The following KPNB1 variants were observed in gnomAD, a reference collection of about 807,000 sequenced individuals.
The protein encoded by KPNB1 is karyopherin subunit beta 1.
In KPNB1, 7 loss-of-function variants were observed where a neutral mutation model predicts 113.0. That is an observed-to-expected ratio of 0.06 (90% CI 0.04 to 0.12). KPNB1 has a LOEUF of 0.12. Among genes scored for constraint, KPNB1 ranks in the 10% least tolerant of loss-of-function variants. KPNB1 has a pLI of 1.00. For missense variants in KPNB1, 400 were observed against 1,054.8 expected (o/e 0.38, Z 8.60); for synonymous variants, 363 against 378.6 (o/e 0.96, Z 0.48).
chr17:47,652,698 C>G lies in KPNB1; in HGVS notation c.104C>G (p.Thr35Ser), dbSNP rs1915614164. ...LERAAVENLP[T>S]FLVELSRVLA... ...AAATTTATCTTCCCTTAACAGCCCA[C>G]TTTCCTTGTGGAACTGTCCAGAGTG... Residue 35 changes from threonine (T) to serine (S), a missense_variant, in exon 3 of 22, where the codon ACT becomes AGT. This residue lies in a region of KPNB1 where 285 missense variants were observed against 627.0 expected (regional missense o/e 0.45). Transcript: ENST00000290158. The G allele has an allele frequency of 2.6e-6, 4 of 1,568,576 alleles. No individual in the cohort carries two copies. The East Asian group carries it at 9.1e-5, about 36-fold the overall frequency.
At position 47,652,941 on chromosome 17, in the gene KPNB1, T is replaced by C. The variant is rs938656476; in HGVS notation, c.282+65T>C. On this transcript the variant is annotated intron_variant, in intron 3 of 21. Transcript: ENST00000290158. ...ACAAGAAATCGCTTTCTCAGATCTT[T>C]TGCTATTTGCATGGGATAGAGCTAA... 6 of 1,293,784 alleles carry C rather than the reference T, an allele frequency of 4.6e-6. No individual in the cohort carries two copies. In the Middle Eastern group the frequency reaches 5.8e-4, roughly 124 times the overall value. The allele number at this position is 1,293,784 out of a possible 1,614,324, so 80.1% of individuals were successfully genotyped here.
chr17:47,680,938 T>G (rs1361138777), intron 21 of KPNB1, among the ~76,000 whole-genome samples: 2 of 152,218 alleles, frequency 1.3e-5, no homozygotes, highest in Non-Finnish European at 2.9e-5. Flanking sequence ...AGTAATGCCA[T>G]TTCCCCCTAA....
intron 12 of KPNB1, chr17:47,671,809 G>A (rs1156255077): frequency 6.6e-6 from 1 of 152,102 alleles, no homozygotes; most frequent in Non-Finnish European, 1.5e-5. Context: ...TTACAGGCAT[G>A]AGCCACCATG....
At chr17:47,655,743 C>T (rs1915700148) in intron 3 of KPNB1, among the ~76,000 whole-genome samples, 1 of 152,162 alleles carries the variant, frequency 6.6e-6, no homozygotes, top group Non-Finnish European at 1.5e-5. Flanking sequence ...ATAACAGCAA[C>T]AATGAGCCTG....
chr17:47,674,552 C>T (rs1433371742), intron 14 of KPNB1, 86 bp from the exon 15 acceptor site: 3 of 1,316,462 alleles, frequency 2.3e-6, no homozygotes, highest in South Asian at 1.5e-5. Context: ...TATCAAGGGA[C>T]TTAATTGATT....
At chr17:47,654,138 G>A (rs1427436493) in intron 3 of KPNB1, among the ~76,000 whole-genome samples, 1 of 152,112 alleles carries the variant, frequency 6.6e-6, no homozygotes, top group Non-Finnish European at 1.5e-5. Flanking sequence ...ATAATGGCTG[G>A]GCGCAGTGGC....
chr17:47,650,545 C>A (rs1216530541), intron 2 of KPNB1, 101 bp downstream of exon 2: 13 of 922,760 alleles, frequency 1.4e-5, no homozygotes, highest in Non-Finnish European at 2.0e-5. Flanking sequence ...ACCTACCCCG[C>A]CCCATCCCGT....
chr17:47,678,680 T>C (rs1407679227), intron 19 of KPNB1: 9 of 375,410 alleles, frequency 2.4e-5, no homozygotes, highest in Non-Finnish European at 4.5e-5. Context: ...CAATCTCGGC[T>C]CACTGCAACC....
At position 47,683,875 on chromosome 17, in the gene KPNB1, T is replaced by C. The variant is rs1307215478; in HGVS notation, c.*1471T>C. ...CCCCTGGTCACACACTTGAATATTT[T>C]TTTAGAAGTGTGATGTGGTATGATT... is the stretch of plus-strand genomic sequence containing the variant. On this transcript the variant is annotated 3_prime_UTR_variant, in exon 22 of 22. Coordinates refer to ENST00000290158, the MANE Select transcript of KPNB1 (RefSeq NM_002265.6). 6.6e-6 allele frequency: 1 copy of C among 152,390 alleles called. No individual in the cohort carries two copies. Among genetic ancestry groups the C allele is most frequent in the Non-Finnish European group, 1.5e-5 (1 of 68,024 alleles). The allele number at this position is 152,390 out of a possible 1,614,324, so 9.4% of individuals were successfully genotyped here. A position where few individuals can be genotyped will look rare whatever the true frequency, so the allele number is the denominator to read the frequency against.
At chr17:47,682,263 C>G in intron 21 of KPNB1, 141 bp from the exon 22 acceptor site, 1 of 716,314 alleles carries the variant, frequency 1.4e-6, no homozygotes, top group South Asian at 1.6e-5. Context: ...GCACATAGGA[C>G]AAGAAGAAAG....
chr17:47,668,130 A>G (rs1447941738), intron 9 of KPNB1, 56 bp from the exon 10 acceptor site: 1 of 1,401,478 alleles, frequency 7.1e-7, no homozygotes, highest in Non-Finnish European at 1.0e-6. Flanking sequence ...GAGGACCTTT[A>G]GAGTTAAAAT....
intron 3 of KPNB1, among the ~76,000 whole-genome samples, chr17:47,653,673 A>G (rs988527835): frequency 1.3e-4 from 20 of 152,340 alleles, no homozygotes; most frequent in African/African-American, 4.6e-4. Context: ...GGGAATTCCT[A>G]CATATGTACT....
rs1057480046 is a variant in KPNB1, at chr17:47,683,362, C to G, written c.*958C>G. On this transcript the variant is annotated 3_prime_UTR_variant, in exon 22 of 22. Coordinates refer to ENST00000290158, the MANE Select transcript of KPNB1 (RefSeq NM_002265.6). Reference sequence around the variant, plus strand: ...TAGAAAAATATAAGTACAATTGTTACAAATAACGCAGACTTCAAAAACAAA... The same window carrying G: ...TAGAAAAATATAAGTACAATTGTTAGAAATAACGCAGACTTCAAAAACAAA... 6.6e-6 allele frequency: 1 copy of G among 151,972 alleles called. No homozygotes were observed. The highest frequency in any genetic ancestry group is 1.5e-5 in the Non-Finnish European group (1 of 67,944). 9.4% of individuals were successfully genotyped at this position (151,972 alleles called of 1,614,324 possible). A position where few individuals can be genotyped will look rare whatever the true frequency, so the allele number is the denominator to read the frequency against.
chr17:47,668,448 T>C (rs1174892891), intron 10 of KPNB1, 38 bp downstream of exon 10: 8 of 1,510,802 alleles, frequency 5.3e-6, no homozygotes, highest in Non-Finnish European at 7.4e-6. Context: ...AAGTAGGATA[T>C]TTATTGTTTA....
intron 3 of KPNB1, among the ~76,000 whole-genome samples, chr17:47,653,615 A>G (rs1213281095): frequency 6.6e-6 from 1 of 152,222 alleles, no homozygotes; most frequent in East Asian, 1.9e-4. Context: ...TGAGTTAAAT[A>G]TCTGTGCAGT....
chr17:47,666,391 CTT>C (rs1032867550), intron 9 of KPNB1, among the ~76,000 whole-genome samples: 6 of 48,286 alleles, frequency 1.2e-4, no homozygotes, highest in African/African-American at 3.8e-4. Flanking sequence ...CGTGTCTTTA[CTT>C]TTGTGTGTGT....
At chr17:47,675,687 T>C (rs1349862852) in intron 15 of KPNB1, among the ~76,000 whole-genome samples, 1 of 152,184 alleles carries the variant, frequency 6.6e-6, no homozygotes, top group East Asian at 1.9e-4. Context: ...GATTTTTACA[T>C]GTCTGACTGC....
At chr17:47,677,166 T>C in intron 17 of KPNB1, 39 bp downstream of exon 17, 1 of 1,419,250 alleles carries the variant, frequency 7.0e-7, no homozygotes, top group East Asian at 2.3e-5. Context: ...CAGTCTTCTT[T>C]GAAGAAAACA....
chr17:47,679,946 C>T, intron 19 of KPNB1, 74 bp from the exon 20 acceptor site: 2 of 872,962 alleles, frequency 2.3e-6, no homozygotes, highest in Non-Finnish European at 3.9e-6. Flanking sequence ...ATCCACCCGC[C>T]TGGGCCTCCT....
Sources: allele counts gnomAD v4.1 joint callset (sites outside exome capture counted in the v4.1 genomes callset), GRCh38; gene constraint gnomAD v4.1.1; regional missense constraint gnomAD v4.1.1; transcripts MANE v1.5; gene names NCBI Gene and HGNC (gene_info 2026-07-23, HGNC 2026-07-21).